ATP6V1E2: variants seen among roughly 807,000 people sequenced by gnomAD.
ATP6V1E2 encodes V-type proton ATPase subunit E 2.
For missense variants in ATP6V1E2, 308 were observed against 273.3 expected, an observed-to-expected ratio of 1.13 and a Z score of -0.90; for synonymous variants, 121 against 104.2, an observed-to-expected ratio of 1.16 and a Z score of -0.98.
intron 4 of ATP6V1E2, among the ~76,000 whole-genome samples, chr2:46,520,923 G>A (rs760130467): frequency 4.0e-5 from 6 of 151,786 alleles, no homozygotes; most frequent in African/African-American, 7.3e-5. Flanking sequence ...TACATGAAAC[G>A]GCAATGTCTG....
chr2:46,522,602 T>A (rs1179288904), intron 4 of ATP6V1E2, among the ~76,000 whole-genome samples: 1 of 152,222 alleles, frequency 6.6e-6, no homozygotes, highest in Non-Finnish European at 1.5e-5. Context: ...TAGTATTCCA[T>A]GGTGTGTATG....
intron 2 of ATP6V1E2, among the ~76,000 whole-genome samples, chr2:46,540,130 A>G (rs1232126813): frequency 6.6e-6 from 1 of 152,176 alleles, no homozygotes; most frequent in African/African-American, 2.4e-5. Context: ...GCTGATTAGG[A>G]ATTTCACTGT....
At chr2:46,534,207 G>C (rs1667330854) in intron 4 of ATP6V1E2, 1 of 152,174 alleles carries the variant, frequency 6.6e-6, no homozygotes, top group South Asian at 2.1e-4. Flanking sequence ...TAAGGTGACT[G>C]AGGCTCTGTG....
At chr2:46,533,854 GCTTT>G (rs1282646112) in intron 4 of ATP6V1E2, among the ~76,000 whole-genome samples, 2 of 152,144 alleles carry the variant, frequency 1.3e-5, no homozygotes, top group African/African-American at 2.4e-5. Context: ...GATTGACAGT[GCTTT>G]CTTTTTCTTT....
chr2:46,516,833 A>G (rs1376503018), intron 4 of ATP6V1E2, among the ~76,000 whole-genome samples: 7 of 152,212 alleles, frequency 4.6e-5, no homozygotes, highest in African/African-American at 1.7e-4. Context: ...GAAAGAAGTT[A>G]AAAACAAATA....
intron 2 of ATP6V1E2, chr2:46,537,678 C>G (rs190371257): frequency 6.6e-6 from 1 of 152,252 alleles, no homozygotes; most frequent in Non-Finnish European, 1.5e-5. Flanking sequence ...ATACACTTCC[C>G]TCATTGCTGA....
intron 4 of ATP6V1E2, among the ~76,000 whole-genome samples, chr2:46,517,814 G>C (rs983024998): frequency 6.6e-6 from 1 of 152,108 alleles, no homozygotes; most frequent in African/African-American, 2.4e-5. Flanking sequence ...CTGACAGGAT[G>C]GTCATTATTT....
intron 4 of ATP6V1E2, among the ~76,000 whole-genome samples, chr2:46,518,380 A>C (rs962957659): frequency 6.6e-6 from 1 of 152,020 alleles, no homozygotes; most frequent in African/African-American, 2.4e-5. Flanking sequence ...CAATGGGTGT[A>C]GTTTTCGTGA....
chr2:46,512,463 G>A lies in ATP6V1E2; in HGVS notation c.249C>T (p.Val83=), dbSNP rs778760187. The change falls in exon 5 of 5, where the codon GTC becomes GTT. Residue 83 remains valine, a synonymous_variant. Transcript: ENST00000522587. The part of the protein sequence containing the change: ...STMRNQARLK[V]LRARNDLISD... The stretch of plus-strand genomic sequence containing the variant: ...AGATGAGGTCATTTCGGGCTCTCAG[G>A]ACTTTCAGCCTCGCCTGATTCCTCA... 6.2e-7 allele frequency: 1 copy of A among 1,614,162 alleles called. No individual in the cohort carries two copies. The highest frequency in any genetic ancestry group is 8.5e-7 in the Non-Finnish European group (1 of 1,180,030).
At chr2:46,513,130 A>T (rs1305138803) in intron 4 of ATP6V1E2, among the ~76,000 whole-genome samples, 1 of 152,194 alleles carries the variant, frequency 6.6e-6, no homozygotes, top group Non-Finnish European at 1.5e-5. Context: ...ATTAATACAT[A>T]AATGGAAAGC....
intron 4 of ATP6V1E2, among the ~76,000 whole-genome samples, chr2:46,523,772 G>A (rs1481339481): frequency 1.3e-5 from 2 of 152,136 alleles, no homozygotes; most frequent in Non-Finnish European, 2.9e-5. Flanking sequence ...TGTGAAGAAT[G>A]TCAATGGTAG....
At chr2:46,541,557 C>A (rs1667772530) in intron 1 of ATP6V1E2, 104 bp from the exon 2 acceptor site, 1 of 152,248 alleles carries the variant, frequency 6.6e-6, no homozygotes, top group South Asian at 2.1e-4. Context: ...AACCGCTTCA[C>A]CTTTCTAGGT....
At chr2:46,514,309 A>C (rs1687616590) in intron 4 of ATP6V1E2, among the ~76,000 whole-genome samples, 1 of 152,028 alleles carries the variant, frequency 6.6e-6, no homozygotes, top group Admixed American at 6.6e-5. Flanking sequence ...AAGAAAAAAG[A>C]AAAAAGGAAA....
chr2:46,514,295 T>TGAAAAGA (rs1553411924), intron 4 of ATP6V1E2, among the ~76,000 whole-genome samples: 2 of 149,678 alleles, frequency 1.3e-5, no homozygotes. Flanking sequence ...AATAAATAAA[T>TGAAAAGA]AAAAAGAAAA....
chr2:46,524,361 G>T (rs1449935026), intron 4 of ATP6V1E2, among the ~76,000 whole-genome samples: 1 of 152,152 alleles, frequency 6.6e-6, no homozygotes, highest in Non-Finnish European at 1.5e-5. Flanking sequence ...ACTCAGACAA[G>T]AAAATGAGGT....
chr2:46,514,046 G>A (rs12165172), intron 4 of ATP6V1E2, among the ~76,000 whole-genome samples: 18 of 152,092 alleles, frequency 1.2e-4, no homozygotes, highest in African/African-American at 3.1e-4. Flanking sequence ...TTGGGAGGCC[G>A]AGGTGGGTGG....
At position 46,512,476 on chromosome 2, in the gene ATP6V1E2, G is replaced by A. The variant is rs549725173; in HGVS notation, c.236C>T (p.Ala79Val). 90 of 1,614,112 alleles carry A rather than the reference G, an allele frequency of 5.6e-5. 2 individuals carry two copies. In the South Asian group the frequency reaches 7.1e-4, roughly 13 times the overall value. The change falls in exon 5 of 5, where the codon GCG (alanine) becomes GTG (valine). Residue 79 changes from alanine (A) to valine (V), a missense_variant. Physicochemically the swap from Ala to Val is moderately conservative, Grantham distance 64. Coordinates refer to ENST00000522587, the MANE Select transcript of ATP6V1E2 (RefSeq NM_001318063.2). ...KILMSTMRNQ[A>V]RLKVLRARND... ...TCGGGCTCTCAGGACTTTCAGCCTCGCCTGATTCCTCATGGTGGACATCAG... is the reference window on the plus strand; with the variant it reads ...TCGGGCTCTCAGGACTTTCAGCCTCACCTGATTCCTCATGGTGGACATCAG...
At chr2:46,525,419 G>A (rs1205323833) in intron 4 of ATP6V1E2, among the ~76,000 whole-genome samples, 1 of 140,312 alleles carries the variant, frequency 7.1e-6, no homozygotes, top group East Asian at 2.1e-4. Context: ...CCGAGATCGC[G>A]CCACAGCACT....
At chr2:46,533,194 C>A (rs1458088317) in intron 4 of ATP6V1E2, among the ~76,000 whole-genome samples, 1 of 142,400 alleles carries the variant, frequency 7.0e-6, no homozygotes, top group African/African-American at 2.6e-5. Flanking sequence ...ATAGTGTGTG[C>A]ATGTATGTGT....
Sources: gnomAD v4.1 joint callset for allele counts (sites outside exome capture counted in the v4.1 genomes callset) on GRCh38, gnomAD v4.1.1 for gene constraint, MANE v1.5 for transcripts, NCBI Gene and HGNC (gene_info 2026-07-23, HGNC 2026-07-21) for gene names.